Variants in ARHGEF4 observed in about 807,000 individuals in gnomAD.
ARHGEF4 encodes APC-stimulated guanine nucleotide exchange factor 1.
In ARHGEF4, 119 loss-of-function variants were observed where a neutral mutation model predicts 162.0. That is an observed-to-expected ratio of 0.73 (90% CI 0.63 to 0.86). The LOEUF (loss-of-function observed/expected upper bound fraction) is 0.86, where lower values mean the gene tolerates loss of function less well. Ranked by LOEUF, ARHGEF4 falls within the 40% of genes least tolerant of loss-of-function variation. The probability of loss-of-function intolerance (pLI) is 0.00; values close to 1 mark genes in which losing one functional copy is unlikely to be tolerated. For synonymous variants in ARHGEF4, 1,014 were observed against 979.9 expected (o/e 1.03, Z -0.65); for missense variants, 2,488 against 2,456.0 (o/e 1.01, Z -0.28).
At chr2:130,936,694 A>G (rs1682961603) in intron 3 of ARHGEF4, among the ~76,000 whole-genome samples, 1 of 151,812 alleles carries the variant, frequency 6.6e-6, no homozygotes, top group Non-Finnish European at 1.5e-5. Context: ...TCTATTGCTG[A>G]TTTCAAGATT....
chr2:130,919,747 G>A (rs1324145697), intron 2 of ARHGEF4, among the ~76,000 whole-genome samples: 1 of 151,934 alleles, frequency 6.6e-6, no homozygotes, highest in Non-Finnish European at 1.5e-5. Context: ...CTGGTGGTGG[G>A]CGCCTGTAAT....
Position 130,920,422 on chromosome 2 carries a change from C to T in ARHGEF4, c.3552+2924C>T, listed in dbSNP as rs143396059. On this transcript the variant is annotated intron_variant, in intron 2 of 13. Transcript: ENST00000409359. ...AGCGGGTGCCAGATAAATGTGAGTT[C>T]GTATTCCTCTTTATGTTTCATTCCT... Among the ~76,000 whole-genome samples, 91 of 152,302 alleles carry T rather than the reference C, an allele frequency of 6.0e-4. No individual in the cohort carries two copies. The East Asian group carries it at 0.015, about 25-fold the overall frequency.
In ARHGEF4 at chr2:130,986,642, G is replaced by A. The variant is rs375102260; in HGVS notation, c.3985+40007G>A. Among the ~76,000 whole-genome samples the A allele has an allele frequency of 6.6e-5, 10 of 152,302 alleles. No homozygotes were observed. The East Asian group carries it at 1.4e-3, about 21-fold the overall frequency. Reference sequence around the variant, plus strand: ...GGGCAGCCAGGGTGACCACCGGACGGTCTTGGGACCCTCCACCAGCAGCAA... The same window carrying A: ...GGGCAGCCAGGGTGACCACCGGACGATCTTGGGACCCTCCACCAGCAGCAA... On this transcript the variant is annotated intron_variant, in intron 4 of 13. Coordinates refer to ENST00000409359, the MANE Select transcript of ARHGEF4 (RefSeq NM_001367493.1).
intron 1 of ARHGEF4, among the ~76,000 whole-genome samples, chr2:130,845,857 G>A (rs1227181430): frequency 6.6e-6 from 1 of 152,192 alleles, no homozygotes; most frequent in African/African-American, 2.4e-5. Context: ...CCAGACCTAC[G>A]GTGTGATCCC....
Position 130,916,462 on chromosome 2 carries a change from C to G in ARHGEF4, c.2516C>G (p.Ala839Gly), listed in dbSNP as rs1189150810. The change falls in exon 2 of 14, where the codon GCT becomes GGT. Residue 839 changes from alanine to glycine, a missense_variant. Around this residue, in one of 6 missense-constraint regions of ARHGEF4, gnomAD observed 1,642 missense variants for 1,481.5 expected, o/e 1.11. Transcript: ENST00000409359. Reference protein sequence around the residue: ...PEGLPRENPPAAAGRDAPPLH... With the variant: ...PEGLPRENPPGAAGRDAPPLH... ...GGGCTCCCCAGGGAGAATCCGCCCG[C>G]TGCGGCCGGTCGGGACGCACCGCCT... The G allele has an allele frequency of 7.8e-6, 12 of 1,542,906 alleles. No individual in the cohort carries two copies. In the East Asian group the frequency reaches 2.7e-4, roughly 35 times the overall value.
At chr2:131,028,253 G>T (rs1390656507) in intron 5 of ARHGEF4, among the ~76,000 whole-genome samples, 169 bp downstream of exon 5, 1 of 152,252 alleles carries the variant, frequency 6.6e-6, no homozygotes, top group Non-Finnish European at 1.5e-5. Context: ...GGGATGTGGT[G>T]TCAAGAGCAC....
At chr2:130,879,979 T>C (rs1679091414) in intron 1 of ARHGEF4, among the ~76,000 whole-genome samples, 1 of 152,172 alleles carries the variant, frequency 6.6e-6, no homozygotes, top group Non-Finnish European at 1.5e-5. Context: ...TACCACGTTT[T>C]CTCTCTTTGT....
intron 4 of ARHGEF4, among the ~76,000 whole-genome samples, chr2:131,014,531 C>T (rs990705297): frequency 2.0e-5 from 3 of 152,170 alleles, no homozygotes; most frequent in Non-Finnish European, 2.9e-5. Context: ...TCCAGTTGAG[C>T]CCTCCAATCC....
intron 4 of ARHGEF4, among the ~76,000 whole-genome samples, chr2:130,993,020 G>A (rs995490042): frequency 2.0e-5 from 3 of 152,184 alleles, no homozygotes; most frequent in African/African-American, 7.2e-5. Flanking sequence ...GGAGGCGGAG[G>A]TTGCAGTGAG....
At chr2:130,926,860 C>G (rs923020981) in intron 2 of ARHGEF4, among the ~76,000 whole-genome samples, 2 of 103,718 alleles carry the variant, frequency 1.9e-5, no homozygotes, top group Non-Finnish European at 3.5e-5. Context: ...CTCTTACAGA[C>G]TAAGAGTATG....
rs146115501 is a variant in ARHGEF4 at position 131,040,338 on chromosome 2, G to A, written c.4560G>A (p.Glu1520=). 2 of 1,612,618 alleles carry A rather than the reference G, an allele frequency of 1.2e-6. No homozygotes were observed. The highest frequency in any genetic ancestry group is 1.3e-5 in the African/African-American group (1 of 75,054). Residue 1520 remains glutamate (E), a synonymous_variant, in exon 8 of 14, where the codon GAG becomes GAA. Coordinates refer to ENST00000409359, the MANE Select transcript of ARHGEF4 (RefSeq NM_001367493.1). ...TGCGTACCATCTTCGGGAACATCGA[G>A]GACATCTACCGCTGCCAGAAGGCCT... is the stretch of plus-strand genomic sequence containing the variant. ...EQLRTIFGNI[E]DIYRCQKAFV...
chr2:130,917,626 TC>T, intron 2 of ARHGEF4, 128 bp downstream of exon 2: 1 of 1,219,932 alleles, frequency 8.2e-7, no homozygotes, highest in Non-Finnish European at 1.1e-6. Context: ...CCCGTTACAC[TC>T]CCAGCCGCCC....
At chr2:131,038,550 C>T (rs1690489113) in intron 5 of ARHGEF4, among the ~76,000 whole-genome samples, 1 of 152,218 alleles carries the variant, frequency 6.6e-6, no homozygotes, top group African/African-American at 2.4e-5. Flanking sequence ...TGCAGCCTTG[C>T]AGCCCCCAGG....
intron 1 of ARHGEF4, among the ~76,000 whole-genome samples, chr2:130,891,647 C>T (rs902273788): frequency 5.3e-5 from 8 of 152,202 alleles, no homozygotes; most frequent in South Asian, 2.1e-4. Flanking sequence ...TGCAGACGGC[C>T]GCCTTCTGAT....
intron 1 of ARHGEF4, among the ~76,000 whole-genome samples, chr2:130,882,844 C>T (rs1011926205): frequency 2.4e-4 from 36 of 151,960 alleles, no homozygotes; most frequent in African/African-American, 8.2e-4. Flanking sequence ...CAGATCCTCC[C>T]CATCCACAAT....
At chr2:130,900,612 C>T (rs141973218) in intron 1 of ARHGEF4, among the ~76,000 whole-genome samples, 316 of 152,222 alleles carry the variant, frequency 2.1e-3, no homozygotes, top group Non-Finnish European at 3.3e-3. Context: ...TTGATAATTA[C>T]TTATTGAAGC....
chr2:130,893,945 AT>A (rs1329419809), intron 1 of ARHGEF4, among the ~76,000 whole-genome samples: 1 of 152,152 alleles, frequency 6.6e-6, no homozygotes, highest in Non-Finnish European at 1.5e-5. Flanking sequence ...TGGAGTTGAG[AT>A]TGTCCTATTA....
At chr2:130,881,391 G>C (rs1559017308) in intron 1 of ARHGEF4, among the ~76,000 whole-genome samples, 1 of 152,174 alleles carries the variant, frequency 6.6e-6, no homozygotes, top group Admixed American at 6.5e-5. Flanking sequence ...AAATTGCCAA[G>C]GTTTAGGGTA....
intron 1 of ARHGEF4, among the ~76,000 whole-genome samples, chr2:130,883,558 A>G (rs558267737): frequency 6.6e-6 from 1 of 152,190 alleles, no homozygotes; most frequent in Non-Finnish European, 1.5e-5. Flanking sequence ...ACTTTTCTAA[A>G]TGTCTTGCAT....
Sources: allele counts gnomAD v4.1 joint callset (sites outside exome capture counted in the v4.1 genomes callset), GRCh38; gene constraint gnomAD v4.1.1; regional missense constraint gnomAD v4.1.1; transcripts MANE v1.5; gene names NCBI Gene and HGNC (gene_info 2026-07-23, HGNC 2026-07-21).